Variants in ZNF407 observed in about 807,000 individuals in gnomAD.
ZNF407 encodes zinc finger protein 407.
In ZNF407, 17 loss-of-function variants were observed where a neutral mutation model predicts 131.2. That is an observed-to-expected ratio of 0.13 (90% CI 0.09 to 0.19). ZNF407 has a LOEUF of 0.19. Ranked by LOEUF, ZNF407 falls within the 10% of genes least tolerant of loss-of-function variation. The pLI, the probability that ZNF407 is intolerant of heterozygous loss-of-function variation, is 1.00. For synonymous variants in ZNF407, 1,156 were observed against 1,062.0 expected (o/e 1.09, Z -1.72); for missense variants, 2,681 against 2,830.6 (o/e 0.95, Z 1.20).
At chr18:74,952,322 C>T (rs1479182562) in intron 8 of ZNF407, among the ~76,000 whole-genome samples, 1 of 152,156 alleles carries the variant, frequency 6.6e-6, no homozygotes, top group Non-Finnish European at 1.5e-5. Flanking sequence ...CTGATATTAT[C>T]CCTTTAATCC....
intron 8 of ZNF407, among the ~76,000 whole-genome samples, chr18:75,021,915 A>G (rs1371417688): frequency 1.3e-5 from 2 of 151,964 alleles, no homozygotes; most frequent in African/African-American, 2.4e-5. Flanking sequence ...ATACTGAGAA[A>G]GTATTTTGTC....
chr18:75,036,890 C>T (rs956129452), intron 8 of ZNF407, among the ~76,000 whole-genome samples: 12 of 152,194 alleles, frequency 7.9e-5, no homozygotes, highest in Non-Finnish European at 1.6e-4. Context: ...TATTTCCACT[C>T]TTTTGGGGTT....
At chr18:74,723,946 G>A (rs1458377057) in intron 3 of ZNF407, among the ~76,000 whole-genome samples, 1 of 147,280 alleles carries the variant, frequency 6.8e-6, no homozygotes, top group Non-Finnish European at 1.5e-5. Flanking sequence ...GGGGCGGGGT[G>A]GGGGGGGTTT....
chr18:74,736,934 T>C (rs1362924026), intron 3 of ZNF407, among the ~76,000 whole-genome samples: 1 of 152,156 alleles, frequency 6.6e-6, no homozygotes, highest in African/African-American at 2.4e-5. Context: ...AAGTATCAGC[T>C]CCTAATTAGC....
At chr18:74,910,322 T>C (rs1335357997) in intron 7 of ZNF407, among the ~76,000 whole-genome samples, 2 of 152,200 alleles carry the variant, frequency 1.3e-5, no homozygotes, top group African/African-American at 4.8e-5. Context: ...TATGTATATA[T>C]TCAAATCAAC....
At chr18:74,889,274 G>GTGTC (rs34738627) in intron 6 of ZNF407, among the ~76,000 whole-genome samples, 147,282 of 151,324 alleles carry the variant, frequency 0.97, 71,783 homozygotes, top group East Asian at 1. Flanking sequence ...CTGCGTAGCT[G>GTGTC]TGTCTGTCTG....
At chr18:74,614,045 GGATC>G (rs1983178130) in intron 1 of ZNF407, among the ~76,000 whole-genome samples, 1 of 152,152 alleles carries the variant, frequency 6.6e-6, no homozygotes, top group Non-Finnish European at 1.5e-5. Flanking sequence ...CATGAATTAT[GGATC>G]AGAGTTTGAT....
chr18:74,765,464 T>G (rs554284628), intron 3 of ZNF407, among the ~76,000 whole-genome samples: 1 of 152,348 alleles, frequency 6.6e-6, no homozygotes, highest in South Asian at 2.1e-4. Flanking sequence ...TGCTTTGCTT[T>G]TAAGCAGGAT....
Position 74,631,965 on chromosome 18 carries a change from G to C in ZNF407, c.946G>C (p.Asp316His), listed in dbSNP as rs759765873. The change falls in exon 2 of 9, where the codon GAT becomes CAT. Residue 316 changes from aspartate (D) to histidine (H), a missense_variant. Asp to His is a moderately conservative substitution (Grantham distance 81). This residue lies in a region of ZNF407 where 1,789 missense variants were observed against 1,748.7 expected (regional missense o/e 1.02). Transcript: ENST00000299687. ...RTSKSIAKNS[D>H]SKGLRNVGST... ...TTCTAAATCAATAGCAAAGAATAGT[G>C]ATTCAAAAGGATTACGAAATGTGGG... is the stretch of plus-strand genomic sequence containing the variant. 1.6e-5 allele frequency: 26 copies of C among 1,613,820 alleles called. No individual in the cohort carries two copies. In the African/African-American group the frequency reaches 2.7e-4, roughly 17 times the overall value.
chr18:74,648,382 G>A (rs548904640), intron 3 of ZNF407, among the ~76,000 whole-genome samples: 1 of 152,270 alleles, frequency 6.6e-6, no homozygotes, highest in Non-Finnish European at 1.5e-5. Flanking sequence ...AATTGGGTGA[G>A]GTGGGCAGGG....
At chr18:75,011,924 T>A (rs1972978595) in intron 8 of ZNF407, among the ~76,000 whole-genome samples, 1 of 152,286 alleles carries the variant, frequency 6.6e-6, no homozygotes, top group East Asian at 1.9e-4. Flanking sequence ...ATTTTTTTAA[T>A]AGCCTAGTAA....
At chr18:74,892,986 T>C (rs1971406163) in intron 7 of ZNF407, among the ~76,000 whole-genome samples, 1 of 152,202 alleles carries the variant, frequency 6.6e-6, no homozygotes, top group Admixed American at 6.5e-5. Context: ...TGTGCTTTGG[T>C]AGATTCATTT....
intron 3 of ZNF407, among the ~76,000 whole-genome samples, chr18:74,762,744 T>C (rs756620152): frequency 3.0e-4 from 46 of 152,114 alleles, no homozygotes; most frequent in Non-Finnish European, 6.0e-4. Flanking sequence ...GATTTTAGAT[T>C]TTTTCTTTTT....
chr18:74,621,730 A>G (rs1202292712), intron 1 of ZNF407, among the ~76,000 whole-genome samples: 1 of 152,144 alleles, frequency 6.6e-6, no homozygotes. Context: ...ACAGCTCCGT[A>G]CTCAAGAGGA....
chr18:74,628,744 A>T (rs895476794), intron 1 of ZNF407, among the ~76,000 whole-genome samples: 1 of 151,554 alleles, frequency 6.6e-6, no homozygotes, highest in South Asian at 2.1e-4. Context: ...ACTAATTTTT[A>T]TTATTTTTTT....
Position 74,774,568 on chromosome 18 carries a change from C to G in ZNF407, c.4803-6860C>G, listed in dbSNP as rs541661158. Among the ~76,000 whole-genome samples, 6 of 152,180 alleles carry G rather than the reference C, an allele frequency of 3.9e-5. No individual in the cohort carries two copies. The East Asian group carries it at 1.2e-3, about 29-fold the overall frequency. ...CCAACATTCGTAGGTGATGTTCTTG[C>G]CAAAAATGTTTAAACTGAATCAAAT... On this transcript the variant is annotated intron_variant, in intron 3 of 8. Coordinates refer to ENST00000299687, the MANE Select transcript of ZNF407 (RefSeq NM_017757.3).
intron 8 of ZNF407, among the ~76,000 whole-genome samples, chr18:74,947,259 T>C (rs1972163556): frequency 6.6e-6 from 1 of 152,218 alleles, no homozygotes; most frequent in Non-Finnish European, 1.5e-5. Context: ...GCCCAGTGAA[T>C]AGTATTACCT....
intron 3 of ZNF407, among the ~76,000 whole-genome samples, chr18:74,734,749 G>A (rs925669066): frequency 6.6e-6 from 1 of 151,608 alleles, no homozygotes; most frequent in Non-Finnish European, 1.5e-5. Flanking sequence ...ACGTGACTTC[G>A]GGTGTTCTAG....
intron 3 of ZNF407, among the ~76,000 whole-genome samples, chr18:74,749,282 C>T (rs181971073): frequency 3.9e-5 from 6 of 152,156 alleles, no homozygotes; most frequent in East Asian, 3.8e-4. Context: ...CTCCTCTCAT[C>T]GTGGCTCCTC....
Sources: allele counts gnomAD v4.1 joint callset (sites outside exome capture counted in the v4.1 genomes callset), GRCh38; gene constraint gnomAD v4.1.1; regional missense constraint gnomAD v4.1.1; transcripts MANE v1.5; gene names NCBI Gene and HGNC (gene_info 2026-07-23, HGNC 2026-07-21).